SREK1: variants seen among roughly 807,000 people sequenced by gnomAD.
SREK1 encodes splicing regulatory glutamic acid and lysine rich protein 1.
A neutral mutation model predicts 66.5 loss-of-function variants in SREK1; 13 were observed. The ratio of observed to expected loss-of-function variants is 0.20; its 90% CI spans 0.13 to 0.31. SREK1 has a LOEUF of 0.31. Among genes scored for constraint, SREK1 ranks in the 10% least tolerant of loss-of-function variants. SREK1 has a pLI of 1.00. For synonymous variants in SREK1, 265 were observed against 263.5 expected, an observed-to-expected ratio of 1.01 and a Z score of -0.05; for missense variants, 607 against 769.6, an observed-to-expected ratio of 0.79 and a Z score of 2.50.
intron 10 of SREK1, among the ~76,000 whole-genome samples, chr5:66,175,590 G>A (rs1241655782): frequency 6.6e-6 from 1 of 152,076 alleles, no homozygotes; most frequent in Non-Finnish European, 1.5e-5. Context: ...ATGTGTGTAG[G>A]AAAAATCTCA....
chr5:66,149,098 A>C (rs1009782870), intron 1 of SREK1, among the ~76,000 whole-genome samples: 5 of 152,252 alleles, frequency 3.3e-5, no homozygotes, highest in Non-Finnish European at 7.3e-5. Flanking sequence ...CCACGCCTGT[A>C]ATCCCAGCGC....
At chr5:66,173,659 C>T (rs879285972) in intron 9 of SREK1, among the ~76,000 whole-genome samples, 2 of 152,174 alleles carry the variant, frequency 1.3e-5, no homozygotes, top group Admixed American at 1.3e-4. Flanking sequence ...ATTAGACATC[C>T]ACTTGTACAT....
At chr5:66,156,918 A>G (rs894970279) in intron 2 of SREK1, 4 of 984,764 alleles carry the variant, frequency 4.1e-6, no homozygotes, top group Non-Finnish European at 4.8e-6. Flanking sequence ...ACTGTGAGAG[A>G]TGTTTTCCTC....
intron 1 of SREK1, among the ~76,000 whole-genome samples, chr5:66,146,828 A>C (rs1408226349): frequency 6.6e-6 from 1 of 152,180 alleles, no homozygotes; most frequent in African/African-American, 2.4e-5. Flanking sequence ...TAGAAATTTA[A>C]ATTGTTTTAA....
At position 66,170,867 on chromosome 5, in the gene SREK1, T is replaced by A; in HGVS notation, c.1404T>A (p.Asp468Glu). 6.2e-7 allele frequency: 1 copy of A among 1,612,394 alleles called. No individual in the cohort carries two copies. The highest frequency in any genetic ancestry group is 8.5e-7 in the Non-Finnish European group (1 of 1,179,666). The change falls in exon 9 of 12, where the codon GAT (aspartate) becomes GAA (glutamate). Residue 468 changes from aspartate to glutamate, a missense_variant. Transcript: ENST00000334121. The part of the protein sequence containing the change: ...EREKDRSKEI[D>E]EKRKKDKKSR... ...AAAAAGACAGATCCAAAGAGATAGA[T>A]GAAAAAAGAAAGAAGGATAAAAAAT... is the stretch of plus-strand genomic sequence containing the variant.
At chr5:66,177,471 T>C (rs1196643567) in intron 10 of SREK1, 43 bp from the exon 11 acceptor site, 21 of 1,449,448 alleles carry the variant, frequency 1.4e-5, no homozygotes, top group Non-Finnish European at 2.0e-5. Flanking sequence ...TAATAGATCT[T>C]ACAATTTCTT....
In SREK1 at chr5:66,180,040, G is replaced by T. The variant is rs1437263884; in HGVS notation, c.*1172G>T. The T allele has an allele frequency of 6.6e-6, 1 of 152,470 alleles. No individual in the cohort carries two copies. Among genetic ancestry groups the T allele is most frequent in the Non-Finnish European group, 1.5e-5 (1 of 67,962 alleles). The allele number at this position is 152,470 out of a possible 1,614,324, so 9.4% of individuals were successfully genotyped here. A position where few individuals can be genotyped will look rare whatever the true frequency, so the allele number is the denominator to read the frequency against. ...TTAAATTGAAGAAAACCCTTTAGTT[G>T]TCTACATTGGATGGCCTTATTACCT... On this transcript the variant is annotated 3_prime_UTR_variant, in exon 12 of 12. Coordinates refer to ENST00000334121, the MANE Select transcript of SREK1 (RefSeq NM_001077199.3).
rs752456912 is a variant in SREK1, at chr5:66,170,893, C to T, written c.1430C>T (p.Ser477Phe). Residue 477 changes from serine (S) to phenylalanine (F), a missense_variant, in exon 9 of 12, where the codon TCC becomes TTC. Around this residue, in one of 5 missense-constraint regions of SREK1, gnomAD observed 318 missense variants for 310.3 expected, o/e 1.02. Coordinates refer to ENST00000334121, the MANE Select transcript of SREK1 (RefSeq NM_001077199.3). The stretch of plus-strand genomic sequence containing the variant: ...GAAAAAAGAAAGAAGGATAAAAAAT[C>T]CAGAACACCACCCAGGAGTTACAAT... ...IDEKRKKDKKSRTPPRSYNAS... is the reference protein window; with the variant it reads ...IDEKRKKDKKFRTPPRSYNAS... The T allele has an allele frequency of 6.2e-7, 1 of 1,613,378 alleles. No individual in the cohort carries two copies. Among genetic ancestry groups the T allele is most frequent in the Non-Finnish European group, 8.5e-7 (1 of 1,179,882 alleles).
intron 5 of SREK1, 111 bp from the exon 6 acceptor site, chr5:66,163,681 C>T (rs540888836): frequency 7.2e-6 from 8 of 1,112,978 alleles, no homozygotes; most frequent in South Asian, 5.4e-5. Context: ...ATCATTCTTA[C>T]GTGCTTCTGA....
intron 1 of SREK1, among the ~76,000 whole-genome samples, chr5:66,147,317 C>T (rs1204280833): frequency 1.3e-5 from 2 of 152,118 alleles, no homozygotes; most frequent in Admixed American, 6.5e-5. Flanking sequence ...AATCTCACAG[C>T]TTGTGAAACT....
rs1262709543 is a variant in SREK1, at chr5:66,170,903, A to G, written c.1440A>G (p.Pro480=). The change falls in exon 9 of 12, where the codon CCA becomes CCG. Residue 480 remains proline (P), a synonymous_variant. Coordinates refer to ENST00000334121, the MANE Select transcript of SREK1 (RefSeq NM_001077199.3). ...AGAAGGATAAAAAATCCAGAACACC[A>G]CCCAGGAGTTACAATGCATCGCGAA... The part of the protein sequence containing the change: ...KRKKDKKSRT[P]PRSYNASRRS... 1.2e-6 allele frequency: 2 copies of G among 1,612,010 alleles called. No homozygotes were observed. Among genetic ancestry groups the G allele is most frequent in the African/African-American group, 2.7e-5 (2 of 74,630 alleles).
rs557365260 is a variant in SREK1, at chr5:66,160,706, A to C, written c.411+1372A>C. Among the ~76,000 whole-genome samples, 3 of 152,310 alleles carry C rather than the reference A, an allele frequency of 2.0e-5. No homozygotes were observed. The South Asian group carries it at 6.2e-4, about 32-fold the overall frequency. ...CAGACTGGCTGCTGTGATAAGTGAC[A>C]TTGATTTCATAAACTTCCGTTTTCA... On this transcript the variant is annotated intron_variant, in intron 3 of 11. Coordinates refer to ENST00000334121, the MANE Select transcript of SREK1 (RefSeq NM_001077199.3).
chr5:66,182,353 T>C lies in SREK1; in HGVS notation c.*3485T>C, dbSNP rs1427249767. 1 of 152,210 alleles carries C rather than the reference T, an allele frequency of 6.6e-6. No homozygotes were observed. Among genetic ancestry groups the C allele is most frequent in the Admixed American group, 6.5e-5 (1 of 15,280 alleles). The allele number at this position is 152,210 out of a possible 1,614,324, so 9.4% of individuals were successfully genotyped here. On this transcript the variant is annotated 3_prime_UTR_variant, in exon 12 of 12. Coordinates refer to ENST00000334121, the MANE Select transcript of SREK1 (RefSeq NM_001077199.3). ...ATTTTCTCATGTTTATTTACTAATG[T>C]AATTTTCACTTAAAATTAGATGTTT...
intron 9 of SREK1, 36 bp from the exon 10 acceptor site, chr5:66,174,910 T>C: frequency 6.3e-7 from 1 of 1,587,558 alleles, no homozygotes; most frequent in Non-Finnish European, 8.6e-7. Flanking sequence ...TTATTTCAAT[T>C]GCTGTTTTTA....
chr5:66,158,836 T>C (rs1744500870), intron 2 of SREK1: 1 of 1,290,970 alleles, frequency 7.7e-7, no homozygotes, highest in Admixed American at 2.3e-5. Context: ...ACGGTTGTCA[T>C]GTGTAACACA....
intron 1 of SREK1, chr5:66,144,876 A>T (rs1379228076): frequency 9.7e-6 from 10 of 1,028,966 alleles, no homozygotes; most frequent in Non-Finnish European, 1.0e-5. Flanking sequence ...GTGGGCCCGG[A>T]ACAGCCCTCA....
At chr5:66,166,486 C>A (rs909538070) in intron 7 of SREK1, 3 of 151,822 alleles carry the variant, frequency 2.0e-5, no homozygotes, top group African/African-American at 7.3e-5. Context: ...TTTTTCCCCC[C>A]CCAAGATGCA....
chr5:66,153,372 T>A, intron 1 of SREK1, 91 bp from the exon 2 acceptor site: 1 of 1,493,352 alleles, frequency 6.7e-7, no homozygotes, highest in South Asian at 1.3e-5. Flanking sequence ...TTTCGTAAGA[T>A]TATGTAAAGG....
intron 5 of SREK1, chr5:66,162,994 T>C (rs1034669741): frequency 6.5e-6 from 1 of 154,620 alleles, no homozygotes; most frequent in African/African-American, 2.4e-5. Flanking sequence ...CAGAAGGAAA[T>C]TATAAGTGCC....
Sources: gnomAD v4.1 joint callset for allele counts (sites outside exome capture counted in the v4.1 genomes callset) on GRCh38, gnomAD v4.1.1 for gene constraint, gnomAD v4.1.1 regional missense constraint, MANE v1.5 for transcripts, NCBI Gene and HGNC (gene_info 2026-07-23, HGNC 2026-07-21) for gene names.